The following CISTR variants were observed in gnomAD, a reference collection of about 807,000 sequenced individuals.
The protein encoded by CISTR is chondrogenic regulator lncRNA.
intron 2 of CISTR, among the ~76,000 whole-genome samples, chr12:53,750,198 A>C (rs1436453626): frequency 6.6e-6 from 1 of 152,214 alleles, no homozygotes; most frequent in Non-Finnish European, 1.5e-5. Flanking sequence ...ACTAGGGCAA[A>C]TTCAGAATCC....
chr12:53,748,902 A>T (rs1380649939), intron 2 of CISTR, among the ~76,000 whole-genome samples: 1 of 152,068 alleles, frequency 6.6e-6, no homozygotes, highest in Non-Finnish European at 1.5e-5. Context: ...TTCTGGGTTG[A>T]GGGCTCTGCT....
rs932432354 is a variant in CISTR, at chr12:53,753,093, G to GACACACAC, written n.415-2129_415-2128insGTGTGTGT. 1.7e-4 allele frequency among the ~76,000 whole-genome samples: 18 copies of GACACACAC among 108,260 alleles called. 1 individual carries two copies. In the East Asian group the frequency reaches 2.9e-3, roughly 17 times the overall value. 71.0% of individuals were successfully genotyped at this position (108,260 alleles called of 152,430 possible). A position where few individuals can be genotyped will look rare whatever the true frequency, so the allele number is the denominator to read the frequency against. On this transcript the variant is annotated intron_variant and non_coding_transcript_variant, in intron 1 of 2. Coordinates refer to ENST00000669269, the Ensembl canonical transcript of CISTR. ...ACACACACACACACACACACACAGA[G>GACACACAC]AGAGACACACGTGTCCTTTGAGATT... is the stretch of plus-strand genomic sequence containing the variant.
At chr12:53,755,059 C>T (rs1421559043) in intron 1 of CISTR, among the ~76,000 whole-genome samples, 1 of 152,162 alleles carries the variant, frequency 6.6e-6, no homozygotes, top group East Asian at 1.9e-4. Context: ...AGAGGGAGGG[C>T]TTGGAGAGAA....
chr12:53,748,287 C>T (rs1937805377), intron 2 of CISTR, among the ~76,000 whole-genome samples: 1 of 152,222 alleles, frequency 6.6e-6, no homozygotes, highest in Non-Finnish European at 1.5e-5. Flanking sequence ...TCTCCAAGCC[C>T]TCCGCGCCAG....
At chr12:53,753,698 G>GTGTGTA (rs1445303218) in intron 1 of CISTR, among the ~76,000 whole-genome samples, 1 of 141,398 alleles carries the variant, frequency 7.1e-6, no homozygotes, top group South Asian at 2.2e-4. Flanking sequence ...GTGTGTGTGT[G>GTGTGTA]TGTGTATGTG....
At chr12:53,753,747 C>T (rs1000574879) in intron 1 of CISTR, among the ~76,000 whole-genome samples, 1 of 104,628 alleles carries the variant, frequency 9.6e-6, no homozygotes, top group African/African-American at 3.9e-5. Flanking sequence ...CTGAGGAGAC[C>T]GAGGCAGGGA....
chr12:53,752,788 C>T (rs1432911992), intron 1 of CISTR, among the ~76,000 whole-genome samples: 2 of 152,222 alleles, frequency 1.3e-5, no homozygotes, highest in South Asian at 2.1e-4. Flanking sequence ...AAGGGAGGAC[C>T]GGGATTGGAC....
intron 1 of CISTR, among the ~76,000 whole-genome samples, chr12:53,754,878 A>T (rs1011573162): frequency 4.6e-5 from 7 of 151,900 alleles, no homozygotes; most frequent in Admixed American, 2.6e-4. Context: ...TATATGCTGA[A>T]TTTTTTTTCT....
intron 2 of CISTR, among the ~76,000 whole-genome samples, chr12:53,748,730 G>C (rs1015804261): frequency 6.6e-5 from 10 of 152,184 alleles, no homozygotes; most frequent in Non-Finnish European, 1.5e-5. Flanking sequence ...GCCAGGACCA[G>C]GGCCAGGGCC....
Position 53,751,539 on chromosome 12 carries a change from C to G in CISTR, n.415-574G>C, listed in dbSNP as rs1023450971. ...AACAATAAACAAGCTAAACGAGGCGCGCAGGACTCCCTGGTGGGCCCTCAG... is the reference window on the plus strand; with the variant it reads ...AACAATAAACAAGCTAAACGAGGCGGGCAGGACTCCCTGGTGGGCCCTCAG... On this transcript the variant is annotated intron_variant and non_coding_transcript_variant, in intron 1 of 2. Coordinates refer to ENST00000669269, the Ensembl canonical transcript of CISTR. The surrounding 1 kb of genome is among the most constrained non-coding windows in gnomAD (Gnocchi z 4.6). Among the ~76,000 whole-genome samples the G allele has an allele frequency of 6.6e-6, 1 of 152,150 alleles. No individual in the cohort carries two copies. Among genetic ancestry groups the G allele is most frequent in the African/African-American group, 2.4e-5 (1 of 41,436 alleles).
chr12:53,749,630 G>A (rs1937823807), intron 2 of CISTR, among the ~76,000 whole-genome samples: 1 of 152,056 alleles, frequency 6.6e-6, no homozygotes, highest in Non-Finnish European at 1.5e-5. Flanking sequence ...TAACATAGCA[G>A]GTTTCAGCAA....
At chr12:53,750,172 T>C (rs766369068) in intron 2 of CISTR, among the ~76,000 whole-genome samples, 33 of 152,218 alleles carry the variant, frequency 2.2e-4, no homozygotes, top group Non-Finnish European at 1.6e-4. Context: ...ACAGCAAAGA[T>C]CAACAAGTGC....
intron 2 of CISTR, among the ~76,000 whole-genome samples, chr12:53,749,301 TG>T (rs1937818490): frequency 6.6e-6 from 1 of 151,672 alleles, no homozygotes; most frequent in African/African-American, 2.4e-5. Context: ...AGTGTGTGTG[TG>T]TGTGTGTATA....
At position 53,756,361 on chromosome 12, in the gene CISTR, A is replaced by G. The variant is rs111301785; in HGVS notation, n.414+453T>C. Among the ~76,000 whole-genome samples the G allele has an allele frequency of 3.3e-5, 5 of 152,316 alleles. No individual in the cohort carries two copies. Among genetic ancestry groups the G allele is most frequent in the Non-Finnish European group, 7.3e-5 (5 of 68,030 alleles). On this transcript the variant is annotated intron_variant and non_coding_transcript_variant, in intron 1 of 2. Transcript: ENST00000669269. This position sits in a 1 kb window ranked among gnomAD's most constrained non-coding sequence, Gnocchi z 4.0. ...GAGAGGAGTGGGAAAAGATCTGATT[A>G]TTGTAATAATAGATGATACCACAGG...
chr12:53,749,960 C>T (rs75204089), intron 2 of CISTR, among the ~76,000 whole-genome samples: 4,912 of 152,172 alleles, frequency 0.032, 240 homozygotes, highest in African/African-American at 0.11. Flanking sequence ...CTTCCAGTGG[C>T]TGCTTGAGGG....
chr12:53,750,898 C>T (rs1159912422), exon 2 of CISTR: 2 of 153,000 alleles, frequency 1.3e-5, no homozygotes, highest in African/African-American at 2.4e-5. Flanking sequence ...CTGTCTCTCT[C>T]CCTCCACTGG....
At chr12:53,749,277 T>C (rs558945209) in intron 2 of CISTR, among the ~76,000 whole-genome samples, 2 of 148,432 alleles carry the variant, frequency 1.3e-5, no homozygotes, top group South Asian at 2.2e-4. Context: ...GAAAGAAATA[T>C]GATGGAGGCA....
chr12:53,752,832 G>A (rs192977914), intron 1 of CISTR, among the ~76,000 whole-genome samples: 1 of 152,314 alleles, frequency 6.6e-6, no homozygotes, highest in East Asian at 1.9e-4. Flanking sequence ...ATGTGGACTG[G>A]CACACTGGAC....
At position 53,751,588 on chromosome 12, in the gene CISTR, A is replaced by T. The variant is rs956652919; in HGVS notation, n.415-623T>A. Among the ~76,000 whole-genome samples the T allele has an allele frequency of 1.3e-5, 2 of 152,006 alleles. No individual in the cohort carries two copies. Among genetic ancestry groups the T allele is most frequent in the Non-Finnish European group, 2.9e-5 (2 of 67,962 alleles). ...AGCCTCCTCCGCGCGGCGCGGACTC[A>T]TTACGGCTGCAGCCAATTTCATGCC... On this transcript the variant is annotated intron_variant and non_coding_transcript_variant, in intron 1 of 2. Coordinates refer to ENST00000669269, the Ensembl canonical transcript of CISTR. This position sits in a 1 kb window ranked among gnomAD's most constrained non-coding sequence, Gnocchi z 4.6.
Sources: gnomAD v4.1 joint callset for allele counts (sites outside exome capture counted in the v4.1 genomes callset) on GRCh38, gnomAD v4.1.1 for gene constraint, Gnocchi (gnomAD v3.1) non-coding constraint, MANE v1.5 for transcripts, NCBI Gene and HGNC (gene_info 2026-07-23, HGNC 2026-07-21) for gene names.